ERBB4: variants seen among roughly 807,000 people sequenced by gnomAD.
ERBB4 encodes erb-b2 receptor tyrosine kinase 4, also known as receptor tyrosine-protein kinase erbB-4.
ERBB4 carries 42 observed loss-of-function variants against 158.0 expected under a neutral mutation model. The observed-to-expected ratio is 0.27, with a 90% CI of 0.21 to 0.34. The LOEUF (loss-of-function observed/expected upper bound fraction) is 0.34, where lower values mean the gene tolerates loss of function less well. ERBB4 is among the 10% of genes least tolerant of loss of function. ERBB4 has a pLI of 1.00. For synonymous variants in ERBB4, 583 were observed against 558.7 expected (o/e 1.04, Z -0.61); for missense variants, 1,333 against 1,624.1 (o/e 0.82, Z 3.08).
chr2:212,452,413 T>G (rs1175434670), intron 1 of ERBB4, among the ~76,000 whole-genome samples: 1 of 152,206 alleles, frequency 6.6e-6, no homozygotes, highest in African/African-American at 2.4e-5. Context: ...TGTTTTAAAC[T>G]ACTACACACA....
At chr2:211,874,554 G>A (rs1026656530) in intron 3 of ERBB4, among the ~76,000 whole-genome samples, 1 of 152,142 alleles carries the variant, frequency 6.6e-6, no homozygotes, top group African/African-American at 2.4e-5. Flanking sequence ...ATCTGACCAT[G>A]AATCTTCTCT....
intron 4 of ERBB4, among the ~76,000 whole-genome samples, chr2:211,772,744 T>TA (rs2075724556): frequency 1.4e-5 from 2 of 143,460 alleles, no homozygotes; most frequent in Admixed American, 1.4e-4. Flanking sequence ...CTCCTGGACT[T>TA]AAGTGATCCT....
At chr2:212,330,031 T>C (rs915445679) in intron 1 of ERBB4, among the ~76,000 whole-genome samples, 1 of 151,870 alleles carries the variant, frequency 6.6e-6, no homozygotes, top group African/African-American at 2.4e-5. Context: ...AAAAAGCGAG[T>C]TAGATGAAGG....
At chr2:211,683,127 A>G (rs1315793170) in intron 12 of ERBB4, among the ~76,000 whole-genome samples, 1 of 151,800 alleles carries the variant, frequency 6.6e-6, no homozygotes, top group Non-Finnish European at 1.5e-5. Context: ...TTCTGAAATA[A>G]TTGTATATTA....
chr2:211,793,331 A>C (rs1252441152), intron 3 of ERBB4, among the ~76,000 whole-genome samples: 1 of 151,942 alleles, frequency 6.6e-6, no homozygotes, highest in East Asian at 1.9e-4. Flanking sequence ...CTGATTGTAT[A>C]TCTAAGTATT....
At chr2:211,544,542 C>T (rs143848604) in intron 20 of ERBB4, among the ~76,000 whole-genome samples, 146 of 152,042 alleles carry the variant, frequency 9.6e-4, no homozygotes, top group African/African-American at 3.2e-3. Flanking sequence ...CTTGAACACA[C>T]TTAGGACCTC....
intron 25 of ERBB4, among the ~76,000 whole-genome samples, chr2:211,405,352 A>G (rs1265946866): frequency 6.6e-6 from 1 of 152,182 alleles, no homozygotes; most frequent in East Asian, 1.9e-4. Context: ...AGAAACTTCC[A>G]TCTGACACAT....
rs1364557071 is a variant in ERBB4 at position 212,374,027 on chromosome 2, TATATATCC to T, written c.82+164414_82+164421del. Among the ~76,000 whole-genome samples the T allele has an allele frequency of 8.7e-3, 1,139 of 130,700 alleles. 122 individuals are homozygous for T. Among genetic ancestry groups the T allele is most frequent in the Non-Finnish European group, 0.014 (857 of 60,452 alleles). 85.7% of individuals were successfully genotyped at this position (130,700 alleles called of 152,430 possible). On this transcript the variant is annotated intron_variant, in intron 1 of 27. Transcript: ENST00000342788. The stretch of plus-strand genomic sequence containing the variant: ...ATATATATCCATATATATCCATATA[TATATATCC>T]ATATATATCCATATATATATATCCA...
intron 3 of ERBB4, among the ~76,000 whole-genome samples, chr2:211,831,765 T>G (rs2077225071): frequency 6.6e-6 from 1 of 151,936 alleles, no homozygotes; most frequent in Admixed American, 6.6e-5. Context: ...TAGCCAGGCG[T>G]GGCAGCAGGT....
At chr2:212,369,979 TG>T (rs1471225104) in intron 1 of ERBB4, among the ~76,000 whole-genome samples, 6 of 151,940 alleles carry the variant, frequency 3.9e-5, no homozygotes, top group Non-Finnish European at 8.8e-5. Flanking sequence ...AGAAAAAAAA[TG>T]AGAAATTAAA....
intron 3 of ERBB4, among the ~76,000 whole-genome samples, chr2:211,826,500 T>C (rs1164756356): frequency 1.3e-5 from 2 of 151,912 alleles, no homozygotes; most frequent in African/African-American, 4.8e-5. Context: ...ATTTATTTAT[T>C]TATTGTATTT....
chr2:211,418,700 C>CTGT (rs777752460), intron 25 of ERBB4, among the ~76,000 whole-genome samples: 3 of 151,948 alleles, frequency 2.0e-5, no homozygotes, highest in Non-Finnish European at 4.4e-5. Context: ...TTAAATTTCA[C>CTGT]TGTTGTAACC....
intron 4 of ERBB4, among the ~76,000 whole-genome samples, chr2:211,752,172 A>G (rs2075149219): frequency 6.6e-6 from 1 of 152,110 alleles, no homozygotes; most frequent in African/African-American, 2.4e-5. Context: ...TTATTATTAA[A>G]AACTTACAGG....
chr2:212,496,463 C>T (rs1690578714), intron 1 of ERBB4, among the ~76,000 whole-genome samples: 1 of 152,092 alleles, frequency 6.6e-6, no homozygotes, highest in Non-Finnish European at 1.5e-5. Context: ...AAAAAGTAGA[C>T]TCTGATAAAA....
intron 19 of ERBB4, among the ~76,000 whole-genome samples, chr2:211,564,456 A>G (rs145528992): frequency 1.8e-3 from 276 of 152,346 alleles, no homozygotes; most frequent in African/African-American, 6.2e-3. Context: ...AAATAGAAGT[A>G]TTATGTAAAT....
At chr2:212,423,588 G>A (rs543282437) in intron 1 of ERBB4, among the ~76,000 whole-genome samples, 3 of 152,152 alleles carry the variant, frequency 2.0e-5, no homozygotes, top group East Asian at 3.9e-4. Context: ...TAAAGCTTCT[G>A]GGTTAGTGTA....
chr2:212,474,529 G>A (rs145751432), intron 1 of ERBB4, among the ~76,000 whole-genome samples: 1,618 of 152,160 alleles, frequency 0.011, 18 homozygotes, highest in Middle Eastern at 0.044. Flanking sequence ...AGCTTCAAGG[G>A]GGGCATGGGC....
At chr2:212,531,742 A>C (rs1349732661) in intron 1 of ERBB4, among the ~76,000 whole-genome samples, 1 of 152,188 alleles carries the variant, frequency 6.6e-6, no homozygotes, top group African/African-American at 2.4e-5. Context: ...ACAAAAAGAA[A>C]GAAAAGAAAC....
At chr2:212,055,027 G>C (rs2077512421) in intron 2 of ERBB4, among the ~76,000 whole-genome samples, 1 of 152,212 alleles carries the variant, frequency 6.6e-6, no homozygotes, top group East Asian at 1.9e-4. Flanking sequence ...GAAGCATAAA[G>C]GGTCAGGGAA....
Sources: allele counts gnomAD v4.1 joint callset (sites outside exome capture counted in the v4.1 genomes callset), GRCh38; gene constraint gnomAD v4.1.1; transcripts MANE v1.5; gene names NCBI Gene and HGNC (gene_info 2026-07-23, HGNC 2026-07-21).